Variants in ZNF106 observed in about 807,000 individuals in gnomAD.
ZNF106 encodes zinc finger protein 106.
Under a neutral mutation model 195.1 loss-of-function variants are expected in ZNF106, and 67 were observed. That is an observed-to-expected ratio of 0.34 (90% CI 0.28 to 0.42). The LOEUF (loss-of-function observed/expected upper bound fraction) is 0.42. Ranked by LOEUF, ZNF106 falls within the 10% of genes least tolerant of loss-of-function variation. The pLI, the probability that ZNF106 is intolerant of heterozygous loss-of-function variation, is 1.00. For synonymous variants in ZNF106, 784 were observed against 818.6 expected (o/e 0.96, Z 0.72); for missense variants, 2,118 against 2,304.5 (o/e 0.92, Z 1.66).
chr15:42,457,125 G>A lies in ZNF106; in HGVS notation c.150C>T (p.Val50=). 1.2e-6 allele frequency: 2 copies of A among 1,614,096 alleles called. No individual in the cohort carries two copies. Among genetic ancestry groups the A allele is most frequent in the Non-Finnish European group, 1.7e-6 (2 of 1,180,026 alleles). Residue 50 remains valine (V), a synonymous_variant, in exon 4 of 22, where the codon GTC becomes GTT. Transcript: ENST00000564754. The stretch of plus-strand genomic sequence containing the variant: ...CATATGCAGAAAGACCCACTTCTGT[G>A]ACCCCGCACACTCGGCACTCATGAC... ...DISHECRVCG[V]TEVGLSAYAK...
intron 7 of ZNF106, among the ~76,000 whole-genome samples, chr15:42,445,936 G>C (rs2055753982): frequency 6.6e-6 from 1 of 152,186 alleles, no homozygotes; most frequent in Non-Finnish European, 1.5e-5. Context: ...AACCAAGGAA[G>C]GGAGTGTGGA....
chr15:42,475,275 C>CT (rs971525184), intron 1 of ZNF106, among the ~76,000 whole-genome samples: 87 of 152,048 alleles, frequency 5.7e-4, no homozygotes, highest in African/African-American at 1.9e-3. Flanking sequence ...CAACATGTCT[C>CT]TATTAAAAAT....
chr15:42,457,735 T>C (rs968348157), intron 3 of ZNF106, among the ~76,000 whole-genome samples: 1 of 152,188 alleles, frequency 6.6e-6, no homozygotes. Context: ...GGATGATACA[T>C]GTGATCTACA....
In ZNF106 at chr15:42,448,168, G is replaced by A; in HGVS notation, c.3039C>T (p.Ile1013=). The part of the protein sequence containing the change: ...LSSSASSALA[I]SSLADAATDS... ...CTGTGGCTGCATCCGCTAAACTGGA[G>A]ATCGCAAGGGCTGAGGATGCGCTTG... Residue 1013 remains isoleucine (I), a synonymous_variant, in exon 6 of 22, where the codon ATC becomes ATT. Transcript: ENST00000564754. 1.2e-6 allele frequency: 2 copies of A among 1,614,162 alleles called. No homozygotes were observed. Among genetic ancestry groups the A allele is most frequent in the South Asian group, 1.1e-5 (1 of 91,080 alleles).
At chr15:42,475,940 C>A (rs551513601) in intron 1 of ZNF106, among the ~76,000 whole-genome samples, 1 of 152,140 alleles carries the variant, frequency 6.6e-6, no homozygotes, top group South Asian at 2.1e-4. Context: ...TGGTTGAAAA[C>A]CAAGCACTAA....
intron 14 of ZNF106, among the ~76,000 whole-genome samples, chr15:42,428,889 G>A (rs1165638168): frequency 1.3e-5 from 2 of 151,656 alleles, no homozygotes; most frequent in South Asian, 2.1e-4. Context: ...TCAGCCTCCC[G>A]AGTAGCTGGG....
chr15:42,474,785 T>G (rs549524621), intron 1 of ZNF106, among the ~76,000 whole-genome samples: 1 of 152,208 alleles, frequency 6.6e-6, no homozygotes, highest in South Asian at 2.1e-4. Context: ...TACCAGGGGT[T>G]TAGATTAAGA....
chr15:42,464,522 CTTTTTTTTTTTTT>C (rs928173954), intron 3 of ZNF106, among the ~76,000 whole-genome samples: 2 of 113,478 alleles, frequency 1.8e-5, no homozygotes, highest in Non-Finnish European at 3.4e-5. Flanking sequence ...ACACATGCTA[CTTTTTTTTTTTTT>C]TTTTTTTTTT....
At chr15:42,421,864 T>G in intron 19 of ZNF106, 53 bp downstream of exon 19, 2 of 1,456,466 alleles carry the variant, frequency 1.4e-6, no homozygotes, top group Non-Finnish European at 1.8e-6. Context: ...TGACAAGAAT[T>G]TTTTAGCAAA....
intron 1 of ZNF106, among the ~76,000 whole-genome samples, chr15:42,477,758 C>G (rs2056814177): frequency 6.6e-6 from 1 of 151,968 alleles, no homozygotes; most frequent in Non-Finnish European, 1.5e-5. Flanking sequence ...GGCTTGATGG[C>G]AAGCACCTGT....
intron 1 of ZNF106, among the ~76,000 whole-genome samples, chr15:42,477,115 T>A (rs2056801685): frequency 6.6e-6 from 1 of 152,168 alleles, no homozygotes; most frequent in Non-Finnish European, 1.5e-5. Flanking sequence ...GGTTTGTTAA[T>A]ATTATTAATC....
chr15:42,464,978 G>T (rs1436615800), intron 3 of ZNF106, among the ~76,000 whole-genome samples: 1 of 152,182 alleles, frequency 6.6e-6, no homozygotes. Context: ...TGCCATGATT[G>T]TGAGGCCTCC....
chr15:42,419,311 G>A (rs1042053520), intron 20 of ZNF106, among the ~76,000 whole-genome samples: 1 of 152,054 alleles, frequency 6.6e-6, no homozygotes, highest in African/African-American at 2.4e-5. Context: ...AGGCTGCAGT[G>A]AGCCAAGATC....
In ZNF106 at chr15:42,451,853, T is replaced by C. The variant is rs2056044098; in HGVS notation, c.419A>G (p.Tyr140Cys). 3.1e-6 allele frequency: 5 copies of C among 1,614,130 alleles called. No individual in the cohort carries two copies. The highest frequency in any genetic ancestry group is 4.2e-6 in the Non-Finnish European group (5 of 1,180,048). The change falls in exon 5 of 22, where the codon TAC becomes TGC. Residue 140 changes from tyrosine (Y) to cysteine (C), a missense_variant. By Grantham distance (194) the Tyr-to-Cys change is radical (BLOSUM62 -2). Transcript: ENST00000564754. The stretch of plus-strand genomic sequence containing the variant: ...ACGATGATGCCATGCAGGCTGACTG[T>C]AACTCTCTCTGTCTTGGTAAGGAAT... ...DRIPYQDRES[Y>C]SQPAWHHRGP...
At position 42,439,438 on chromosome 15, in the gene ZNF106, T is replaced by C. The variant is rs1457268753; in HGVS notation, c.4139A>G (p.Lys1380Arg). ...ATGGGCAGCCCGTAGACTTTTCTTC[T>C]TCCGGAGTTTCTTCTTTTTCTTGCT... ...RGSKKKKKLRKKKSLRAAHVP... is the reference protein window; with the variant it reads ...RGSKKKKKLRRKKSLRAAHVP... Residue 1380 changes from lysine to arginine, a missense_variant, in exon 11 of 22, where the codon AAG becomes AGG. Coordinates refer to ENST00000564754, the MANE Select transcript of ZNF106 (RefSeq NM_001366845.3). The C allele has an allele frequency of 2.5e-6, 4 of 1,613,440 alleles. No individual in the cohort carries two copies. In the Middle Eastern group the frequency reaches 4.9e-4, roughly 199 times the overall value.
At chr15:42,447,297 T>C (rs1247963510) in intron 6 of ZNF106, among the ~76,000 whole-genome samples, 1 of 152,172 alleles carries the variant, frequency 6.6e-6, no homozygotes, top group African/African-American at 2.4e-5. Context: ...GGAGGACTGC[T>C]TGAGTTCAGG....
chr15:42,463,484 C>T (rs2056441394), intron 3 of ZNF106, among the ~76,000 whole-genome samples: 1 of 151,928 alleles, frequency 6.6e-6, no homozygotes, highest in Admixed American at 6.6e-5. Flanking sequence ...TCAGCTAGAG[C>T]CCAGGAATTC....
chr15:42,448,769 T>C, intron 5 of ZNF106, 64 bp from the exon 6 acceptor site: 8 of 1,497,126 alleles, frequency 5.3e-6, no homozygotes, highest in Non-Finnish European at 7.1e-6. Context: ...GGCATTATTT[T>C]TTAATGTGCC....
chr15:42,486,118 C>T (rs1035719628), intron 1 of ZNF106, among the ~76,000 whole-genome samples: 1 of 151,860 alleles, frequency 6.6e-6, no homozygotes, highest in Non-Finnish European at 1.5e-5. Context: ...TACCACCACA[C>T]CCAGCTAACT....
Sources: gnomAD v4.1 joint callset for allele counts (sites outside exome capture counted in the v4.1 genomes callset) on GRCh38, gnomAD v4.1.1 for gene constraint, MANE v1.5 for transcripts, NCBI Gene and HGNC (gene_info 2026-07-23, HGNC 2026-07-21) for gene names.